Variants in RABGAP1 observed in about 807,000 individuals in gnomAD.
The protein encoded by RABGAP1 is rab GTPase-activating protein 1.
A neutral mutation model predicts 137.6 loss-of-function variants in RABGAP1; 23 were observed. That is an observed-to-expected ratio of 0.17 (90% CI 0.12 to 0.24). The LOEUF (loss-of-function observed/expected upper bound fraction) is 0.24, where lower values mean the gene tolerates loss of function less well. RABGAP1 is among the 10% of genes least tolerant of loss of function. RABGAP1 has a pLI of 1.00. For synonymous variants in RABGAP1, 451 were observed against 450.7 expected (o/e 1.00, Z -0.01); for missense variants, 906 against 1,275.8 (o/e 0.71, Z 4.42).
At chr9:123,029,584 T>C (rs2032185311) in intron 13 of RABGAP1, 1 of 751,104 alleles carries the variant, frequency 1.3e-6, no homozygotes, top group African/African-American at 1.7e-5. Flanking sequence ...CCTTACAGAG[T>C]TTGTCATATG....
At chr9:123,034,532 G>T in intron 13 of RABGAP1, 1 of 1,362,452 alleles carries the variant, frequency 7.3e-7, no homozygotes, top group Non-Finnish European at 1.0e-6. Flanking sequence ...CAGCCAAGCG[G>T]CAGCATGAAG....
At chr9:122,989,608 C>T in intron 5 of RABGAP1, 137 bp downstream of exon 5, 1 of 901,328 alleles carries the variant, frequency 1.1e-6, no homozygotes, top group Non-Finnish European at 1.7e-6. Flanking sequence ...ATTCTAGCCT[C>T]ATGGGCCAAA....
chr9:122,934,657 C>T, the RABGAP1 span, among the ~76,000 whole-genome samples: 1 of 138,942 alleles, frequency 7.2e-6, no homozygotes. Context: ...TGTGCAACAC[C>T]ACACTTGACG....
intron 10 of RABGAP1, among the ~76,000 whole-genome samples, chr9:123,006,518 G>A (rs2030279667): frequency 6.6e-6 from 1 of 152,150 alleles, no homozygotes; most frequent in South Asian, 2.1e-4. Context: ...AAATTTCCCT[G>A]TGTGTTTGAA....
At chr9:123,034,994 C>G (rs752972324) in intron 13 of RABGAP1, 2 of 1,613,404 alleles carry the variant, frequency 1.2e-6, no homozygotes, top group African/African-American at 2.7e-5. Context: ...CTGGTTACAC[C>G]CTGGAGACTA....
upstream of RABGAP1, chr9:122,940,849 G>C (rs1833500255): frequency 6.6e-6 from 1 of 152,550 alleles, no homozygotes; most frequent in Non-Finnish European, 1.5e-5. Context: ...GAGGCGGGCT[G>C]AAAGCCCAGG....
intron 8 of RABGAP1, 44 bp from the exon 9 acceptor site, chr9:122,997,215 C>T: frequency 6.9e-7 from 1 of 1,446,632 alleles, no homozygotes; most frequent in Admixed American, 2.0e-5. Context: ...AACTGTTGTT[C>T]ACTCACTGTG....
rs144185692 is a variant in RABGAP1 at position 123,096,351 on chromosome 9, T to G, written c.2629-1390T>G. On this transcript the variant is annotated intron_variant, in intron 21 of 25. Coordinates refer to ENST00000373647, the MANE Select transcript of RABGAP1 (RefSeq NM_012197.4). Reference sequence around the variant, plus strand: ...GTAAACAGATGGAAAAAGATGTACATACCACACAATACCATGAAAACTGGA... The same window carrying G: ...GTAAACAGATGGAAAAAGATGTACAGACCACACAATACCATGAAAACTGGA... Among the ~76,000 whole-genome samples the G allele has an allele frequency of 9.7e-3, 1,449 of 149,208 alleles. 27 individuals carry two copies. Among genetic ancestry groups the G allele is most frequent in the African/African-American group, 0.033 (1,383 of 41,386 alleles).
chr9:123,036,491 A>G (rs1383267501), intron 13 of RABGAP1, among the ~76,000 whole-genome samples: 1 of 152,244 alleles, frequency 6.6e-6, no homozygotes, highest in East Asian at 1.9e-4. Flanking sequence ...TATAATGGTG[A>G]CTATATACAA....
intron 2 of RABGAP1, among the ~76,000 whole-genome samples, chr9:122,970,948 G>C (rs1316139457): frequency 6.6e-6 from 1 of 152,156 alleles, no homozygotes; most frequent in East Asian, 1.9e-4. Context: ...AAAACAAAGA[G>C]GGTACTGAAA....
At chr9:123,066,893 TAAGTA>T (rs1459786586) in intron 14 of RABGAP1, among the ~76,000 whole-genome samples, 1 of 152,238 alleles carries the variant, frequency 6.6e-6, no homozygotes, top group Non-Finnish European at 1.5e-5. Flanking sequence ...GTCTAACTGA[TAAGTA>T]TAGTTAATAT....
At chr9:123,085,008 ATGTGTGT>A (rs2034823858) in intron 19 of RABGAP1, among the ~76,000 whole-genome samples, 1 of 152,060 alleles carries the variant, frequency 6.6e-6, no homozygotes, top group Non-Finnish European at 1.5e-5. Context: ...CTCTTTCTCC[ATGTGTGT>A]TGCCCTTGCC....
chr9:122,945,128 G>GTATA (rs1260924824), intron 1 of RABGAP1, among the ~76,000 whole-genome samples: 1 of 54,516 alleles, frequency 1.8e-5, no homozygotes, highest in Non-Finnish European at 6.0e-5. Flanking sequence ...AAAACACCAT[G>GTATA]TATACATCAT....
chr9:122,945,163 T>TTTTTTTTTTTTTTTTTTTTGA (rs1833881317), intron 1 of RABGAP1, among the ~76,000 whole-genome samples: 1 of 144,216 alleles, frequency 6.9e-6, no homozygotes. Flanking sequence ...TTTTTTTTTT[T>TTTTTTTTTTTTTTTTTTTTGA]AGCATAAACT....
chr9:122,948,585 T>G (rs1238208832), intron 1 of RABGAP1, among the ~76,000 whole-genome samples: 1 of 152,222 alleles, frequency 6.6e-6, no homozygotes, highest in Non-Finnish European at 1.5e-5. Flanking sequence ...CTCTTTTGAT[T>G]TAGCAAGATG....
At chr9:123,055,053 G>A (rs1019043875) in intron 13 of RABGAP1, among the ~76,000 whole-genome samples, 3 of 152,154 alleles carry the variant, frequency 2.0e-5, no homozygotes, top group African/African-American at 7.2e-5. Context: ...AAGGAGTGGG[G>A]AGTTTTGCTC....
chr9:123,015,289 C>CTTTTTTT (rs34492374), intron 11 of RABGAP1, among the ~76,000 whole-genome samples: 1 of 121,690 alleles, frequency 8.2e-6, no homozygotes, highest in Admixed American at 8.8e-5. Flanking sequence ...TAAATAGCTC[C>CTTTTTTT]TTTTTTTTTT....
At chr9:122,966,464 A>C (rs540431982) in intron 2 of RABGAP1, among the ~76,000 whole-genome samples, 1 of 152,246 alleles carries the variant, frequency 6.6e-6, no homozygotes, top group South Asian at 2.1e-4. Context: ...CGGAGGTTGC[A>C]GTGAGCCTAC....
At chr9:122,950,377 C>CTTTTTTTTTTTTTTTTTTTTTT (rs200424486) in intron 1 of RABGAP1, among the ~76,000 whole-genome samples, 169 of 74,464 alleles carry the variant, frequency 2.3e-3, no homozygotes, top group Middle Eastern at 0.014. Flanking sequence ...CTTTTTCTTT[C>CTTTTTTTTTTTTTTTTTTTTTT]TTTTTTTTTT....
Sources: allele counts gnomAD v4.1 joint callset (sites outside exome capture counted in the v4.1 genomes callset), GRCh38; gene constraint gnomAD v4.1.1; transcripts MANE v1.5; gene names NCBI Gene and HGNC (gene_info 2026-07-23, HGNC 2026-07-21).